Variants in ABAT observed in about 807,000 individuals in gnomAD.
ABAT encodes 4-aminobutyrate aminotransferase, mitochondrial.
In ABAT, 45 loss-of-function variants were observed where a neutral mutation model predicts 64.6. The ratio of observed to expected loss-of-function variants is 0.70; its 90% CI spans 0.55 to 0.89. The LOEUF (loss-of-function observed/expected upper bound fraction) is 0.89, where lower values mean the gene tolerates loss of function less well. Ranked by LOEUF, ABAT falls within the 40% of genes least tolerant of loss-of-function variation. The pLI, the probability that ABAT is intolerant of heterozygous loss-of-function variation, is 0.00. For missense variants in ABAT, 633 were observed against 658.4 expected (o/e 0.96, Z 0.42); for synonymous variants, 297 against 250.5 (o/e 1.19, Z -1.75).
chr16:8,691,179 C>G (rs984890468), intron 1 of ABAT, among the ~76,000 whole-genome samples: 3 of 152,140 alleles, frequency 2.0e-5, no homozygotes, highest in Non-Finnish European at 2.9e-5. Context: ...CTACTTAGTG[C>G]TTGGTAATAT....
At chr16:8,754,666 A>ATTTCTTTCTTTCTTTC (rs1189573096) in intron 5 of ABAT, among the ~76,000 whole-genome samples, 2 of 11,630 alleles carry the variant, frequency 1.7e-4, no homozygotes, top group African/African-American at 2.7e-4. Context: ...AAGTTGATTT[A>ATTTCTTTCTTTCTTTC]TTTATTTCTT....
rs1555485259 is a variant in ABAT, at chr16:8,706,238, A to AAAT, written c.-41-29460_-41-29459insATA. Among the ~76,000 whole-genome samples the AAAT allele has an allele frequency of 4.5e-4, 67 of 149,108 alleles. 1 individual carries two copies. Among genetic ancestry groups the AAAT allele is most frequent in the African/African-American group, 1.5e-3 (62 of 40,896 alleles). On this transcript the variant is annotated intron_variant, in intron 1 of 15. Transcript: ENST00000268251. ...ATGAAACTCTGTCTCTATAAAAAAA[A>AAAT]ATATATATATATATACAAAAAATTA...
intron 6 of ABAT, among the ~76,000 whole-genome samples, chr16:8,758,582 T>G (rs1367290974): frequency 6.6e-6 from 1 of 151,244 alleles, no homozygotes; most frequent in African/African-American, 2.4e-5. Context: ...GATAATTCTG[T>G]GTGGTGGGGG....
Position 8,715,891 on chromosome 16 carries a change from A to G in ABAT, c.-41-19808A>G, listed in dbSNP as rs75476908. Among the ~76,000 whole-genome samples the G allele has an allele frequency of 9.5e-4, 139 of 145,584 alleles. 2 individuals are homozygous for G. The East Asian group carries it at 0.021, about 22-fold the overall frequency. The stretch of plus-strand genomic sequence containing the variant: ...TTAGAAGATACAGGCTGAAGGATTC[A>G]AGGATGAAATATCACAATGTCCACA... On this transcript the variant is annotated intron_variant, in intron 1 of 15. Coordinates refer to ENST00000268251, the MANE Select transcript of ABAT (RefSeq NM_020686.6).
intron 1 of ABAT, among the ~76,000 whole-genome samples, chr16:8,716,794 G>A (rs903427813): frequency 6.6e-6 from 1 of 152,150 alleles, no homozygotes; most frequent in Non-Finnish European, 1.5e-5. Flanking sequence ...AGGTCAGATT[G>A]TATGTTCCTG....
chr16:8,731,205 C>G (rs1489619579), intron 1 of ABAT, among the ~76,000 whole-genome samples: 1 of 152,146 alleles, frequency 6.6e-6, no homozygotes, highest in African/African-American at 2.4e-5. Flanking sequence ...TCAAGTGATC[C>G]ACCTGCCTTG....
chr16:8,733,314 G>A (rs1047290639), intron 1 of ABAT, among the ~76,000 whole-genome samples: 5 of 151,548 alleles, frequency 3.3e-5, no homozygotes, highest in South Asian at 2.1e-4. Flanking sequence ...TAGGTGGGAT[G>A]GCGGCCGGGC....
At chr16:8,703,544 C>T (rs1047765458) in intron 1 of ABAT, among the ~76,000 whole-genome samples, 2 of 151,942 alleles carry the variant, frequency 1.3e-5, no homozygotes, top group African/African-American at 2.4e-5. Context: ...AATAATAGAG[C>T]GTTTAGGTGG....
At chr16:8,766,135 G>C in intron 8 of ABAT, 73 bp from the exon 9 acceptor site, 1 of 1,401,802 alleles carries the variant, frequency 7.1e-7, no homozygotes, top group Non-Finnish European at 1.0e-6. Context: ...ACTGAATATC[G>C]GTTTGGTTGG....
Position 8,764,060 on chromosome 16 carries a change from C to G in ABAT, c.367-9C>G, listed in dbSNP as rs937577550. Reference sequence around the variant, plus strand: ...CAGAAGTCACCATTTGTCTCTTGCCCTTTTGCAGAGCATGTTTGTCAACAG... The same window carrying G: ...CAGAAGTCACCATTTGTCTCTTGCCGTTTTGCAGAGCATGTTTGTCAACAG... On this transcript the variant is annotated splice_polypyrimidine_tract_variant and intron_variant, in intron 6 of 15. Transcript: ENST00000268251. This position sits in a 1 kb window ranked among gnomAD's most constrained non-coding sequence, Gnocchi z 4.2. 6.2e-7 allele frequency: 1 copy of G among 1,613,700 alleles called. No homozygotes were observed. Among genetic ancestry groups the G allele is most frequent in the Non-Finnish European group, 8.5e-7 (1 of 1,179,824 alleles).
At chr16:8,725,616 T>A (rs1469745715) in intron 1 of ABAT, among the ~76,000 whole-genome samples, 2 of 152,226 alleles carry the variant, frequency 1.3e-5, no homozygotes, top group Admixed American at 1.3e-4. Flanking sequence ...TATTCATTCA[T>A]CCACTGATCG....
At chr16:8,727,262 T>G (rs1352835952) in intron 1 of ABAT, among the ~76,000 whole-genome samples, 1 of 152,134 alleles carries the variant, frequency 6.6e-6, no homozygotes, top group Non-Finnish European at 1.5e-5. Context: ...TCAATCAAGA[T>G]CAGCCTAGAA....
chr16:8,736,148 C>T (rs1240353162), intron 2 of ABAT: 32 of 336,868 alleles, frequency 9.5e-5, no homozygotes, highest in Admixed American at 5.3e-4. Context: ...AACATCAGAT[C>T]GTGTGAGACT....
chr16:8,738,884 A>T (rs2059073734), intron 2 of ABAT, among the ~76,000 whole-genome samples: 1 of 152,038 alleles, frequency 6.6e-6, no homozygotes, highest in Admixed American at 6.6e-5. Flanking sequence ...ACCTCAAGTG[A>T]TCCACCCATC....
intron 1 of ABAT, among the ~76,000 whole-genome samples, chr16:8,687,854 A>G (rs1196981087): frequency 3.9e-5 from 6 of 152,090 alleles, no homozygotes; most frequent in African/African-American, 1.2e-4. Flanking sequence ...GAAACATTAT[A>G]TGAATGGTTG....
intron 11 of ABAT, among the ~76,000 whole-genome samples, chr16:8,769,395 C>T (rs558864474): frequency 9.2e-5 from 14 of 151,790 alleles, no homozygotes; most frequent in African/African-American, 3.4e-4. Flanking sequence ...GGTGAAACCC[C>T]ATCTCTACTA....
intron 12 of ABAT, among the ~76,000 whole-genome samples, 169 bp downstream of exon 12, chr16:8,773,086 G>T (rs1485371049): frequency 7.2e-6 from 1 of 139,192 alleles, no homozygotes; most frequent in Non-Finnish European, 1.5e-5. Context: ...GAAAGAATGG[G>T]GATTCTTCCC....
At chr16:8,701,068 G>A (rs914299434) in intron 1 of ABAT, among the ~76,000 whole-genome samples, 2 of 152,170 alleles carry the variant, frequency 1.3e-5, no homozygotes, top group Non-Finnish European at 2.9e-5. Context: ...CTCCCAAGTA[G>A]CTGGGACTAC....
At chr16:8,694,195 T>C (rs1596402264) in intron 1 of ABAT, among the ~76,000 whole-genome samples, 1 of 47,404 alleles carries the variant, frequency 2.1e-5, no homozygotes, top group Non-Finnish European at 4.0e-5. Context: ...ATGCCCAGAT[T>C]TTTTTTTTTT....
Sources: gnomAD v4.1 joint callset for allele counts (sites outside exome capture counted in the v4.1 genomes callset) on GRCh38, gnomAD v4.1.1 for gene constraint, Gnocchi (gnomAD v3.1) non-coding constraint, MANE v1.5 for transcripts, NCBI Gene and HGNC (gene_info 2026-07-23, HGNC 2026-07-21) for gene names.